The following SIPA1L3 variants were observed in gnomAD, a reference collection of about 807,000 sequenced individuals.
SIPA1L3 encodes signal-induced proliferation-associated 1-like protein 3.
SIPA1L3 carries 59 observed loss-of-function variants against 150.1 expected under a neutral mutation model. That is an observed-to-expected ratio of 0.39 (90% CI 0.32 to 0.49). The LOEUF is 0.49. Among genes scored for constraint, SIPA1L3 ranks in the 20% least tolerant of loss-of-function variants. SIPA1L3 has a pLI of 0.86. For missense variants in SIPA1L3, 2,211 were observed against 2,489.5 expected (o/e 0.89, Z 2.38); for synonymous variants, 1,070 against 1,077.6 (o/e 0.99, Z 0.14).
intron 12 of SIPA1L3, among the ~76,000 whole-genome samples, chr19:38,144,085 A>G (rs1716566788): frequency 6.6e-6 from 1 of 152,046 alleles, no homozygotes; most frequent in South Asian, 2.1e-4. Context: ...CACTCCCCCC[A>G]TCCTACCAAC....
At chr19:38,096,823 C>A (rs12462587) in intron 4 of SIPA1L3, among the ~76,000 whole-genome samples, 46,808 of 151,962 alleles carry the variant, frequency 0.31, 8,109 homozygotes, top group East Asian at 0.61. Context: ...GATTAGCATG[C>A]CTGGTGATTT....
chr19:37,954,444 G>T (rs1180983196), intron 1 of SIPA1L3, among the ~76,000 whole-genome samples: 1 of 152,054 alleles, frequency 6.6e-6, no homozygotes, highest in Non-Finnish European at 1.5e-5. Context: ...CACACCTCTC[G>T]GTCGTGCTCC....
chr19:38,204,057 C>A, intron 20 of SIPA1L3, 70 bp from the exon 21 acceptor site: 1 of 1,277,268 alleles, frequency 7.8e-7, no homozygotes. Flanking sequence ...CCAGGCTCCT[C>A]AGATGTGGGC....
chr19:38,130,462 C>T, intron 9 of SIPA1L3, 36 bp from the exon 10 acceptor site: 1 of 1,583,664 alleles, frequency 6.3e-7, no homozygotes, highest in Non-Finnish European at 8.6e-7. Flanking sequence ...CTGACCCAAG[C>T]AGCTTCTGAG....
Position 38,206,298 on chromosome 19 carries a change from C to G in SIPA1L3, c.*58C>G. 6 of 1,489,246 alleles carry G rather than the reference C, an allele frequency of 4.0e-6. No homozygotes were observed. The highest frequency in any genetic ancestry group is 5.4e-6 in the Non-Finnish European group (6 of 1,111,196). 92.3% of individuals were successfully genotyped at this position (1,489,246 alleles called of 1,614,324 possible). A position where few individuals can be genotyped will look rare whatever the true frequency, so the allele number is the denominator to read the frequency against. ...CCCTCAGGCCGTGGCCCTGCTGCCT[C>G]TCTCCCTCCACTCAGCTCCCAGCTG... On this transcript the variant is annotated 3_prime_UTR_variant, in exon 22 of 22. Transcript: ENST00000222345.
At chr19:38,179,665 T>C (rs1972515924) in intron 15 of SIPA1L3, among the ~76,000 whole-genome samples, 1 of 152,178 alleles carries the variant, frequency 6.6e-6, no homozygotes, top group Admixed American at 6.6e-5. Flanking sequence ...CCCAGCAGTA[T>C]AGTATTGTCA....
chr19:38,199,366 C>G (rs1975166), intron 19 of SIPA1L3, among the ~76,000 whole-genome samples: 1 of 151,914 alleles, frequency 6.6e-6, no homozygotes, highest in Non-Finnish European at 1.5e-5. Flanking sequence ...ACAGAGCTGC[C>G]CAGACACTGA....
intron 1 of SIPA1L3, among the ~76,000 whole-genome samples, chr19:37,949,723 G>A (rs551278157): frequency 1.0e-3 from 157 of 151,794 alleles, no homozygotes; most frequent in African/African-American, 3.5e-3. Flanking sequence ...CTCCCCTGCT[G>A]TCCTGGCCTA....
At chr19:38,163,506 A>C (rs1018979369) in intron 14 of SIPA1L3, among the ~76,000 whole-genome samples, 10 of 151,600 alleles carry the variant, frequency 6.6e-5, no homozygotes, top group Non-Finnish European at 1.5e-4. Context: ...AAAAAAAAAA[A>C]AAAAACAGTC....
chr19:38,000,900 A>ATATATATGT (rs1555775638), intron 1 of SIPA1L3, among the ~76,000 whole-genome samples: 2,078 of 131,308 alleles, frequency 0.016, 16 homozygotes, highest in Non-Finnish European at 0.021. Flanking sequence ...TATGTTATAT[A>ATATATATGT]TATATATATA....
At chr19:37,996,149 A>G (rs914321062) in intron 1 of SIPA1L3, among the ~76,000 whole-genome samples, 2 of 152,158 alleles carry the variant, frequency 1.3e-5, no homozygotes, top group East Asian at 1.9e-4. Flanking sequence ...GCTGGTCTCA[A>G]ACTCCTGGCC....
rs756310836 is a variant in SIPA1L3, at chr19:38,082,519, G to T, written c.954G>T (p.Pro318=). 1.3e-6 allele frequency: 2 copies of T among 1,597,642 alleles called. No homozygotes were observed. The highest frequency in any genetic ancestry group is 1.1e-5 in the South Asian group (1 of 90,650). The change falls in exon 3 of 22, where the codon CCG becomes CCT. Residue 318 remains proline, a synonymous_variant. Coordinates refer to ENST00000222345, the MANE Select transcript of SIPA1L3 (RefSeq NM_015073.3). ...SKPEGEAGRS[P]GEADEGRSPP... ...CCGAGGGGGAGGCTGGGCGTTCCCC[G>T]GGGGAGGCCGACGAGGGCCGGAGCC...
intron 2 of SIPA1L3, among the ~76,000 whole-genome samples, chr19:38,060,489 A>T (rs558441115): frequency 4.2e-4 from 64 of 152,310 alleles, no homozygotes; most frequent in African/African-American, 1.4e-3. Flanking sequence ...GGCTGCGGCT[A>T]TGCCTGAGCA....
At chr19:38,063,297 C>G (rs897380053) in intron 2 of SIPA1L3, among the ~76,000 whole-genome samples, 2 of 152,004 alleles carry the variant, frequency 1.3e-5, no homozygotes, top group Non-Finnish European at 2.9e-5. Context: ...TCCCTGCCAG[C>G]CTTCCCACGG....
intron 15 of SIPA1L3, among the ~76,000 whole-genome samples, chr19:38,180,353 G>C (rs1320037871): frequency 6.6e-6 from 1 of 151,616 alleles, no homozygotes; most frequent in Non-Finnish European, 1.5e-5. Flanking sequence ...ATAGAAGTGG[G>C]GTCTCACTGT....
intron 2 of SIPA1L3, among the ~76,000 whole-genome samples, chr19:38,080,248 C>A (rs1969944586): frequency 6.6e-6 from 1 of 152,158 alleles, no homozygotes; most frequent in African/African-American, 2.4e-5. Flanking sequence ...GGCAGAGTAG[C>A]TGAGCTGAGC....
chr19:38,138,137 A>T (rs999510347), intron 10 of SIPA1L3, among the ~76,000 whole-genome samples: 4 of 152,020 alleles, frequency 2.6e-5, no homozygotes. Context: ...TCTCAAATAA[A>T]AAAAAAAAAT....
At chr19:38,143,542 C>T (rs1209204689) in intron 12 of SIPA1L3, among the ~76,000 whole-genome samples, 2 of 79,986 alleles carry the variant, frequency 2.5e-5, no homozygotes, top group African/African-American at 1.1e-4. Flanking sequence ...CTTTCTGTGT[C>T]TTTTTTTTTT....
At chr19:38,112,017 A>G (rs1970769493) in intron 8 of SIPA1L3, among the ~76,000 whole-genome samples, 1 of 151,480 alleles carries the variant, frequency 6.6e-6, no homozygotes, top group Non-Finnish European at 1.5e-5. Context: ...ACACACATGC[A>G]CACACACGTA....
Sources: gnomAD v4.1 joint callset for allele counts (sites outside exome capture counted in the v4.1 genomes callset) on GRCh38, gnomAD v4.1.1 for gene constraint, MANE v1.5 for transcripts, NCBI Gene and HGNC (gene_info 2026-07-23, HGNC 2026-07-21) for gene names.